The following CNGB1 variants were observed in gnomAD, a reference collection of about 807,000 sequenced individuals.
The protein encoded by CNGB1 is cyclic nucleotide gated channel subunit beta 1.
A neutral mutation model predicts 151.7 loss-of-function variants in CNGB1; 126 were observed. The observed-to-expected ratio is 0.83, with a 90% CI of 0.72 to 0.96. The LOEUF (loss-of-function observed/expected upper bound fraction) is 0.96, where lower values mean the gene tolerates loss of function less well. CNGB1 is among the 40% of genes least tolerant of loss of function. CNGB1 has a pLI of 0.00. For missense variants in CNGB1, 1,698 were observed against 1,627.0 expected, an observed-to-expected ratio of 1.04 and a Z score of -0.75; for synonymous variants, 623 against 635.1, an observed-to-expected ratio of 0.98 and a Z score of 0.29.
intron 16 of CNGB1, among the ~76,000 whole-genome samples, 155 bp from the exon 17 acceptor site, chr16:57,932,033 G>T (rs532912372): frequency 3.1e-4 from 47 of 152,292 alleles, no homozygotes; most frequent in African/African-American, 1.1e-3. Flanking sequence ...GCTCCATGCA[G>T]GGGGTACAGG....
intron 18 of CNGB1, among the ~76,000 whole-genome samples, chr16:57,921,317 G>A (rs8059135): frequency 0.057 from 8,584 of 150,384 alleles, 278 homozygotes; most frequent in African/African-American, 0.085. Flanking sequence ...CACCTCCTGG[G>A]TTCAAGCAAT....
chr16:57,895,768 C>T (rs1960206210), intron 31 of CNGB1, among the ~76,000 whole-genome samples: 1 of 151,928 alleles, frequency 6.6e-6, no homozygotes, highest in Admixed American at 6.6e-5. Context: ...ACAAGATGAA[C>T]CAGGGCATCT....
intron 13 of CNGB1, among the ~76,000 whole-genome samples, chr16:57,949,871 G>A (rs1961906087): frequency 6.6e-6 from 1 of 152,220 alleles, no homozygotes; most frequent in Admixed American, 6.5e-5. Context: ...TTCCCCTCTA[G>A]AAATCTCCTG....
chr16:57,954,522 G>A (rs1294886814), intron 12 of CNGB1, among the ~76,000 whole-genome samples: 1 of 152,098 alleles, frequency 6.6e-6, no homozygotes, highest in Non-Finnish European at 1.5e-5. Flanking sequence ...TGGGCCAGCT[G>A]GGAGCCAGGA....
chr16:57,960,640 G>C, intron 8 of CNGB1, 110 bp from the exon 9 acceptor site: 1 of 1,423,130 alleles, frequency 7.0e-7, no homozygotes, highest in Admixed American at 1.9e-5. Flanking sequence ...CGGGGATGGG[G>C]GTGGGGGGTG....
At chr16:57,970,561 G>A (rs912461639) in intron 1 of CNGB1, among the ~76,000 whole-genome samples, 1 of 152,168 alleles carries the variant, frequency 6.6e-6, no homozygotes, top group Non-Finnish European at 1.5e-5. Context: ...TCTTCCGCGG[G>A]CCAGGCCTGT....
intron 18 of CNGB1, among the ~76,000 whole-genome samples, chr16:57,922,830 C>A (rs1287080414): frequency 6.6e-6 from 1 of 152,132 alleles, no homozygotes; most frequent in South Asian, 2.1e-4. Flanking sequence ...GTCTGCAGCT[C>A]TGATCCAGCG....
intron 15 of CNGB1, 51 bp downstream of exon 15, chr16:57,940,183 A>G: frequency 1.3e-6 from 2 of 1,507,200 alleles, no homozygotes; most frequent in Non-Finnish European, 1.8e-6. Context: ...CCATCCTTCC[A>G]CCAATGCCAA....
At chr16:57,890,653 T>C (rs16959472) in intron 31 of CNGB1, among the ~76,000 whole-genome samples, 39,772 of 152,136 alleles carry the variant, frequency 0.26, 6,841 homozygotes, top group African/African-American at 0.5. Context: ...CATCCTCTTT[T>C]TTGGAGTGGT....
intron 11 of CNGB1, 37 bp from the exon 12 acceptor site, chr16:57,957,414 G>A (rs760781909): frequency 3.1e-6 from 5 of 1,596,028 alleles, no homozygotes; most frequent in South Asian, 2.2e-5. Flanking sequence ...ATCCTGCCAC[G>A]GCCTCTTCAC....
chr16:57,967,427 C>A (rs942616256), intron 1 of CNGB1, 133 bp from the exon 2 acceptor site: 39 of 887,484 alleles, frequency 4.4e-5, no homozygotes, highest in Non-Finnish European at 6.3e-5. Context: ...GGTGCGGTGG[C>A]TCACACCTGT....
chr16:57,896,572 G>A (rs1259700695), intron 31 of CNGB1, among the ~76,000 whole-genome samples: 1 of 152,026 alleles, frequency 6.6e-6, no homozygotes, highest in African/African-American at 2.4e-5. Flanking sequence ...AATTAGCCGG[G>A]CGTGGTGGTG....
intron 10 of CNGB1, 137 bp downstream of exon 10, chr16:57,959,751 G>T: frequency 1.8e-6 from 2 of 1,109,534 alleles, no homozygotes; most frequent in Non-Finnish European, 2.4e-6. Context: ...GCACGAAGCT[G>T]ATGTGGCTGC....
chr16:57,897,766 G>A (rs766297740), intron 30 of CNGB1, 30 bp downstream of exon 30: 7 of 1,606,590 alleles, frequency 4.4e-6, no homozygotes, highest in Non-Finnish European at 6.0e-6. Context: ...CTTGCCCCAG[G>A]CCCCTCACTT....
At chr16:57,922,227 T>C (rs1961055707) in intron 18 of CNGB1, among the ~76,000 whole-genome samples, 1 of 152,148 alleles carries the variant, frequency 6.6e-6, no homozygotes, top group Non-Finnish European at 1.5e-5. Context: ...CTGTCTCCTG[T>C]GGCTCATCTA....
chr16:57,969,289 G>A (rs1253760362), intron 1 of CNGB1, among the ~76,000 whole-genome samples: 4 of 152,092 alleles, frequency 2.6e-5, no homozygotes, highest in African/African-American at 4.8e-5. Context: ...CTGCCTGGGT[G>A]ACAGAGCAAG....
chr16:57,893,362 TCCTC>T (rs2149353902), intron 31 of CNGB1, among the ~76,000 whole-genome samples: 1 of 152,156 alleles, frequency 6.6e-6, no homozygotes, highest in South Asian at 2.1e-4. Context: ...GCTGAAATGA[TCCTC>T]CCGCCTCAGC....
chr16:57,938,365 A>G (rs556927698), intron 16 of CNGB1, among the ~76,000 whole-genome samples: 1 of 152,318 alleles, frequency 6.6e-6, no homozygotes, highest in East Asian at 1.9e-4. Flanking sequence ...CAGGATACCC[A>G]GGGTTAGGAC....
At chr16:57,927,817 T>A (rs1157494118) in intron 17 of CNGB1, among the ~76,000 whole-genome samples, 4 of 152,230 alleles carry the variant, frequency 2.6e-5, no homozygotes, top group Non-Finnish European at 5.9e-5. Flanking sequence ...GAGAGATGTC[T>A]ACAAGTGGAG....
Sources: gnomAD v4.1 joint callset for allele counts (sites outside exome capture counted in the v4.1 genomes callset) on GRCh38, gnomAD v4.1.1 for gene constraint, MANE v1.5 for transcripts, NCBI Gene and HGNC (gene_info 2026-07-23, HGNC 2026-07-21) for gene names.